PHLPP2: variants seen among roughly 807,000 people sequenced by gnomAD.
PHLPP2 encodes the protein PH domain and leucine rich repeat protein phosphatase 2.
PHLPP2 carries 66 observed loss-of-function variants against 124.9 expected under a neutral mutation model. The ratio of observed to expected loss-of-function variants is 0.53; its 90% CI spans 0.43 to 0.65. The LOEUF (loss-of-function observed/expected upper bound fraction) is 0.65, where lower values mean the gene tolerates loss of function less well. PHLPP2 is among the 30% of genes least tolerant of loss of function. The probability of loss-of-function intolerance (pLI) is 0.00; values close to 1 mark genes in which losing one functional copy is unlikely to be tolerated. For missense variants in PHLPP2, 1,685 were observed against 1,600.4 expected (o/e 1.05, Z -0.90); for synonymous variants, 681 against 624.7 (o/e 1.09, Z -1.34).
chr16:71,691,000 A>G (rs1328757866), intron 3 of PHLPP2, among the ~76,000 whole-genome samples: 1 of 152,236 alleles, frequency 6.6e-6, no homozygotes, highest in African/African-American at 2.4e-5. Context: ...AGTATGGTAG[A>G]GTGGTTAAGA....
At chr16:71,702,428 T>C (rs575307644) in intron 3 of PHLPP2, among the ~76,000 whole-genome samples, 170 bp downstream of exon 3, 3 of 152,352 alleles carry the variant, frequency 2.0e-5, no homozygotes, top group Non-Finnish European at 4.4e-5. Flanking sequence ...AGTGTTCCCT[T>C]ACCCCTGACC....
chr16:71,650,460 C>A (rs1213383478), intron 18 of PHLPP2, among the ~76,000 whole-genome samples: 1 of 152,182 alleles, frequency 6.6e-6, no homozygotes, highest in South Asian at 2.1e-4. Context: ...TCAGCTGGGA[C>A]TGAAAAGATA....
intron 1 of PHLPP2, among the ~76,000 whole-genome samples, chr16:71,716,628 C>T (rs1205348395): frequency 2.0e-5 from 3 of 150,880 alleles, no homozygotes; most frequent in Non-Finnish European, 2.9e-5. Flanking sequence ...CTGCCCTTTA[C>T]TCCATGTTTC....
At position 71,703,538 on chromosome 16, in the gene PHLPP2, T is replaced by C. The variant is rs372405572; in HGVS notation, c.285-807A>G. On this transcript the variant is annotated intron_variant, in intron 2 of 18. Coordinates refer to ENST00000568954, the MANE Select transcript of PHLPP2 (RefSeq NM_015020.3). ...CAAAAGTGATGAATGTGCATTTTGATAGAAGGGGCTATAATAGTCATAATA... is the reference window on the plus strand; with the variant it reads ...CAAAAGTGATGAATGTGCATTTTGACAGAAGGGGCTATAATAGTCATAATA... Among the ~76,000 whole-genome samples, 16 of 152,224 alleles carry C rather than the reference T, an allele frequency of 1.1e-4. No homozygotes were observed. In the South Asian group the frequency reaches 2.9e-3, roughly 28 times the overall value.
At chr16:71,654,494 C>T (rs911256339) in intron 17 of PHLPP2, among the ~76,000 whole-genome samples, 1 of 152,184 alleles carries the variant, frequency 6.6e-6, no homozygotes, top group African/African-American at 2.4e-5. Flanking sequence ...GTACGATGTT[C>T]TCTCATGATG....
At chr16:71,678,177 A>T (rs1209357483) in intron 8 of PHLPP2, 1 of 152,228 alleles carries the variant, frequency 6.6e-6, no homozygotes, top group Non-Finnish European at 1.5e-5. Context: ...AAAAATTTTT[A>T]AAATAAAAAA....
At chr16:71,716,389 C>G (rs1299595575) in intron 1 of PHLPP2, among the ~76,000 whole-genome samples, 3 of 152,040 alleles carry the variant, frequency 2.0e-5, no homozygotes, top group African/African-American at 7.2e-5. Context: ...CATTCCTGCC[C>G]TGTTTCAAAA....
In PHLPP2 at chr16:71,658,344, T is replaced by C. The variant is rs771468839; in HGVS notation, c.2168A>G (p.Asn723Ser). The C allele has an allele frequency of 6.2e-7, 1 of 1,613,910 alleles. No homozygotes were observed. The highest frequency in any genetic ancestry group is 1.7e-5 in the Admixed American group (1 of 60,000). The change falls in exon 15 of 19, where the codon AAC becomes AGC. Residue 723 changes from asparagine (N) to serine (S), a missense_variant. Physicochemically the swap from Asn to Ser is conservative, Grantham distance 46. Coordinates refer to ENST00000568954, the MANE Select transcript of PHLPP2 (RefSeq NM_015020.3). Reference sequence around the variant, plus strand: ...TGGAATCAGGATTTCTGTCAAGTCGTTGCAACTTAGGTCTACAAACTAAGA... The same window carrying C: ...TGGAATCAGGATTTCTGTCAAGTCGCTGCAACTTAGGTCTACAAACTAAGA... ...PQIQFVDLSC[N>S]DLTEILIPEA...
At chr16:71,699,627 G>A (rs764401894) in intron 3 of PHLPP2, among the ~76,000 whole-genome samples, 2 of 152,138 alleles carry the variant, frequency 1.3e-5, no homozygotes, top group Non-Finnish European at 2.9e-5. Context: ...AAGAATTTGG[G>A]ACGCACCAAG....
rs146116780 is a variant in PHLPP2 at position 71,674,224 on chromosome 16, C to T, written c.1472-1902G>A. ...TCCCGAATAGCTGGGATTACAGGCA[C>T]GCGCCACCATGCCCAGCTAATTTTT... On this transcript the variant is annotated intron_variant, in intron 9 of 18. Transcript: ENST00000568954. Among the ~76,000 whole-genome samples, 218 of 152,004 alleles carry T rather than the reference C, an allele frequency of 1.4e-3. 1 individual carries two copies. Among genetic ancestry groups the T allele is most frequent in the African/African-American group, 4.9e-3 (203 of 41,486 alleles).
intron 13 of PHLPP2, among the ~76,000 whole-genome samples, chr16:71,662,101 C>A (rs1308851106): frequency 6.6e-6 from 1 of 151,734 alleles, no homozygotes; most frequent in Non-Finnish European, 1.5e-5. Flanking sequence ...GGATTACAGG[C>A]ATGAGCGGCC....
At chr16:71,681,926 G>A (rs754274701) in intron 5 of PHLPP2, 21 bp from the exon 6 acceptor site, 64 of 1,569,554 alleles carry the variant, frequency 4.1e-5, no homozygotes, top group Non-Finnish European at 5.4e-5. Context: ...TCAAAGAGAA[G>A]AGCCTTCTGA....
intron 9 of PHLPP2, among the ~76,000 whole-genome samples, chr16:71,675,950 A>G (rs1005382013): frequency 1.3e-5 from 2 of 152,002 alleles, no homozygotes; most frequent in African/African-American, 4.8e-5. Context: ...CGAACTCCTG[A>G]GCTCAGGTGA....
chr16:71,714,797 T>C lies in PHLPP2; in HGVS notation c.-2A>G, dbSNP rs375319073. ...ATTTCTGCTCCCATTGCGTTTCATA[T>C]TTCTCTAAAAAATATCAAGAGAAAG... On this transcript the variant is annotated 5_prime_UTR_variant, in exon 2 of 19. Coordinates refer to ENST00000568954, the MANE Select transcript of PHLPP2 (RefSeq NM_015020.3). The C allele has an allele frequency of 3.1e-6, 5 of 1,609,010 alleles. No homozygotes were observed. Among genetic ancestry groups the C allele is most frequent in the Non-Finnish European group, 4.2e-6 (5 of 1,177,500 alleles).
chr16:71,723,860 TC>T, intron 1 of PHLPP2: 2 of 1,185,274 alleles, frequency 1.7e-6, no homozygotes, highest in Non-Finnish European at 2.1e-6. Context: ...CGGCTCCACC[TC>T]CCCCATCGGC....
chr16:71,679,564 G>C (rs556105670), intron 6 of PHLPP2, 29 bp from the exon 7 acceptor site: 2 of 1,595,432 alleles, frequency 1.3e-6, no homozygotes, highest in East Asian at 2.2e-5. Context: ...AATGGGTATT[G>C]CATTTCAATA....
intron 7 of PHLPP2, among the ~76,000 whole-genome samples, 197 bp downstream of exon 7, chr16:71,679,192 C>T (rs1178385493): frequency 6.6e-6 from 1 of 152,088 alleles, no homozygotes; most frequent in Non-Finnish European, 1.5e-5. Context: ...GAGTTAAGAC[C>T]GCTGCTGTTG....
chr16:71,724,341 T>G lies in PHLPP2; in HGVS notation c.-19A>C, dbSNP rs2045419814. On this transcript the variant is annotated 5_prime_UTR_variant, in exon 1 of 19. Transcript: ENST00000568954. Reference sequence around the variant, plus strand: ...TGAGAATACTCACCTTGGCAAGGCCTTTTCTCTTCCTTATCAGAGATGCGT... The same window carrying G: ...TGAGAATACTCACCTTGGCAAGGCCGTTTCTCTTCCTTATCAGAGATGCGT... The G allele has an allele frequency of 6.6e-6, 1 of 152,210 alleles. No homozygotes were observed. The highest frequency in any genetic ancestry group is 1.5e-5 in the Non-Finnish European group (1 of 68,040). The allele number at this position is 152,210 out of a possible 1,614,324, so 9.4% of individuals were successfully genotyped here. A position where few individuals can be genotyped will look rare whatever the true frequency, so the allele number is the denominator to read the frequency against.
At chr16:71,686,068 T>C (rs2045052433) in intron 4 of PHLPP2, among the ~76,000 whole-genome samples, 1 of 152,202 alleles carries the variant, frequency 6.6e-6, no homozygotes, top group East Asian at 1.9e-4. Context: ...ATCGTGCCAC[T>C]GCACTCCAGC....
Sources: gnomAD v4.1 joint callset for allele counts (sites outside exome capture counted in the v4.1 genomes callset) on GRCh38, gnomAD v4.1.1 for gene constraint, MANE v1.5 for transcripts, NCBI Gene and HGNC (gene_info 2026-07-23, HGNC 2026-07-21) for gene names.